The following IL1RAPL1 variants were observed in gnomAD, a reference collection of about 807,000 sequenced individuals.
IL1RAPL1 encodes interleukin 1 receptor accessory protein like 1, also known as interleukin-1 receptor accessory protein-like 1.
IL1RAPL1 carries 3 observed loss-of-function variants against 48.4 expected under a neutral mutation model. The observed-to-expected ratio is 0.06, with a 90% CI of 0.03 to 0.16. The LOEUF (loss-of-function observed/expected upper bound fraction) is 0.16. Among genes scored for constraint, IL1RAPL1 ranks in the 10% least tolerant of loss-of-function variants. IL1RAPL1 has a pLI of 1.00. For missense variants in IL1RAPL1, 349 were observed against 530.6 expected (o/e 0.66, Z 3.36); for synonymous variants, 185 against 187.7 (o/e 0.99, Z 0.12).
chrX:29,516,697 G>A (rs1935449574), intron 5 of IL1RAPL1, among the ~76,000 whole-genome samples: 2 of 110,679 alleles, frequency 1.8e-5, no homozygotes, highest in Non-Finnish European at 3.8e-5. Context: ...CATTTGGGCT[G>A]TTTCCATTTT....
chrX:29,408,162 C>T (rs899949160), intron 5 of IL1RAPL1, among the ~76,000 whole-genome samples: 3 of 110,833 alleles, frequency 2.7e-5, no homozygotes, highest in South Asian at 7.5e-4. Flanking sequence ...CACCTTGGCT[C>T]ATCATAAATA....
intron 5 of IL1RAPL1, among the ~76,000 whole-genome samples, chrX:29,577,271 A>G (rs1187269932): frequency 8.9e-6 from 1 of 111,853 alleles, no homozygotes; most frequent in Non-Finnish European, 1.9e-5. Context: ...AAATGAGTGA[A>G]CAAATAGATG....
chrX:29,668,159 A>G (rs1926049334), intron 5 of IL1RAPL1, among the ~76,000 whole-genome samples: 2 of 112,301 alleles, frequency 1.8e-5, no homozygotes, highest in Admixed American at 9.4e-5. Context: ...ACACAGTTAT[A>G]TGTTCACAAG....
chrX:29,290,594 T>G (rs756341088), intron 3 of IL1RAPL1, among the ~76,000 whole-genome samples: 20 of 112,299 alleles, frequency 1.8e-4, no homozygotes, highest in Admixed American at 8.5e-4. Context: ...GAAAACACAC[T>G]AAAACTTAGT....
intron 6 of IL1RAPL1, among the ~76,000 whole-genome samples, chrX:29,743,707 T>A (rs1169326454): frequency 8.9e-6 from 1 of 111,818 alleles, no homozygotes; most frequent in African/African-American, 3.3e-5. Context: ...ATGGTCTCAA[T>A]CTCCTGACCT....
intron 2 of IL1RAPL1, among the ~76,000 whole-genome samples, chrX:29,137,384 A>G (rs1929154604): frequency 8.9e-6 from 1 of 111,861 alleles, no homozygotes; most frequent in South Asian, 3.7e-4. Flanking sequence ...CACACAAGGT[A>G]TATATATGTA....
At chrX:28,969,892 T>C (rs1925017506) in intron 2 of IL1RAPL1, among the ~76,000 whole-genome samples, 1 of 109,651 alleles carries the variant, frequency 9.1e-6, no homozygotes, top group Admixed American at 9.8e-5. Flanking sequence ...AACACATATA[T>C]ATGTTTCTAA....
intron 1 of IL1RAPL1, among the ~76,000 whole-genome samples, chrX:28,710,390 G>C (rs1015618992): frequency 9.0e-6 from 1 of 110,876 alleles, no homozygotes; most frequent in Non-Finnish European, 1.9e-5. Flanking sequence ...AGTCTTAAAT[G>C]GGGCAGTCAG....
intron 2 of IL1RAPL1, among the ~76,000 whole-genome samples, chrX:29,025,023 T>A (rs1442331486): frequency 9.0e-6 from 1 of 111,662 alleles, no homozygotes; most frequent in East Asian, 2.8e-4. Context: ...TCTATAGGTT[T>A]GCCTATACTG....
intron 3 of IL1RAPL1, among the ~76,000 whole-genome samples, chrX:29,393,550 T>C (rs1933884858): frequency 9.0e-6 from 1 of 111,599 alleles, no homozygotes; most frequent in Admixed American, 9.6e-5. Flanking sequence ...TCTCTGTATA[T>C]GAATGTCTCG....
intron 1 of IL1RAPL1, among the ~76,000 whole-genome samples, chrX:28,707,825 T>A (rs1374475722): frequency 8.9e-6 from 1 of 112,283 alleles, no homozygotes; most frequent in Non-Finnish European, 1.9e-5. Flanking sequence ...TGACTCAGTA[T>A]AAATAGGAAT....
At chrX:28,959,471 C>T (rs976332680) in intron 2 of IL1RAPL1, among the ~76,000 whole-genome samples, 2 of 111,539 alleles carry the variant, frequency 1.8e-5, no homozygotes, top group African/African-American at 6.5e-5. Flanking sequence ...TTGTTTCATC[C>T]ACTTATCACC....
chrX:29,198,292 T>C (rs1053119453), intron 2 of IL1RAPL1, among the ~76,000 whole-genome samples: 5 of 110,222 alleles, frequency 4.5e-5, no homozygotes, highest in African/African-American at 1.7e-4. Flanking sequence ...GTTTTTTTTT[T>C]CTTTTTTTCT....
At chrX:28,730,899 G>A (rs1935746842) in intron 1 of IL1RAPL1, among the ~76,000 whole-genome samples, 1 of 111,680 alleles carries the variant, frequency 9.0e-6, no homozygotes, top group Non-Finnish European at 1.9e-5. Context: ...TCTAATTAAT[G>A]AATGTGCCAG....
At chrX:29,491,945 C>T (rs1021059423) in intron 5 of IL1RAPL1, among the ~76,000 whole-genome samples, 1 of 111,761 alleles carries the variant, frequency 8.9e-6, no homozygotes, top group Non-Finnish European at 1.9e-5. Flanking sequence ...AATATTTAAC[C>T]TCACATACCA....
chrX:28,766,956 G>C (rs1936247765), intron 1 of IL1RAPL1, among the ~76,000 whole-genome samples: 1 of 111,306 alleles, frequency 9.0e-6, no homozygotes, highest in African/African-American at 3.3e-5. Flanking sequence ...GGACGCTTCA[G>C]TTGCTTTCAA....
chrX:28,967,734 C>T (rs1314150051), intron 2 of IL1RAPL1, among the ~76,000 whole-genome samples: 1 of 111,940 alleles, frequency 8.9e-6, no homozygotes, highest in Admixed American at 9.5e-5. Context: ...TTGACATGCA[C>T]AATTGAGAGT....
chrX:29,256,719 A>G (rs936273046), intron 2 of IL1RAPL1, among the ~76,000 whole-genome samples: 2 of 111,378 alleles, frequency 1.8e-5, no homozygotes, highest in African/African-American at 6.5e-5. Flanking sequence ...ATAAATGATG[A>G]TGATGATGGT....
chrX:29,932,130 G>GATTA (rs1932957601), intron 8 of IL1RAPL1, among the ~76,000 whole-genome samples: 1 of 111,865 alleles, frequency 8.9e-6, no homozygotes, highest in Non-Finnish European at 1.9e-5. Flanking sequence ...TATGAGATCT[G>GATTA]AGATAAAGGA....
Sources: gnomAD v4.1 joint callset for allele counts (sites outside exome capture counted in the v4.1 genomes callset) on GRCh38, gnomAD v4.1.1 for gene constraint, MANE v1.5 for transcripts, NCBI Gene and HGNC (gene_info 2026-07-23, HGNC 2026-07-21) for gene names.